Variants in NRXN1 observed in about 807,000 individuals in gnomAD.
NRXN1 encodes neurexin-1.
A neutral mutation model predicts 150.9 loss-of-function variants in NRXN1; 39 were observed. The observed-to-expected ratio is 0.26, with a 90% CI of 0.20 to 0.34. NRXN1 has a LOEUF of 0.34. NRXN1 is among the 10% of genes least tolerant of loss of function. The pLI, the probability that NRXN1 is intolerant of heterozygous loss-of-function variation, is 1.00. For missense variants in NRXN1, 1,815 were observed against 1,949.9 expected (o/e 0.93, Z 1.30); for synonymous variants, 924 against 757.0 (o/e 1.22, Z -3.62).
intron 2 of NRXN1, among the ~76,000 whole-genome samples, chr2:50,980,371 GT>G (rs1044981685): frequency 6.6e-6 from 1 of 151,956 alleles, no homozygotes; most frequent in African/African-American, 2.4e-5. Flanking sequence ...TCATTCAAAA[GT>G]TTTTACCTAA....
At chr2:50,702,077 G>A (rs1245896401) in intron 5 of NRXN1, among the ~76,000 whole-genome samples, 1 of 151,928 alleles carries the variant, frequency 6.6e-6, no homozygotes, top group Non-Finnish European at 1.5e-5. Context: ...TGTTTCATAG[G>A]AAATAAGACC....
In NRXN1 at chr2:50,472,464, T is replaced by A. The variant is rs201163793; in HGVS notation, c.3078A>T (p.Leu1026Phe). The A allele has an allele frequency of 6.2e-7, 1 of 1,610,424 alleles. No homozygotes were observed. Residue 1026 changes from leucine to phenylalanine, a missense_variant, in exon 16 of 23, where the codon TTA becomes TTT. This residue lies in a region of NRXN1 where 339 missense variants were observed against 440.3 expected (regional missense o/e 0.77). Transcript: ENST00000401669. ...TTTCTTTAGCTACTCCTCCTATATA[T>A]AAGTCACCTGCAAGAAGATCAAAGT... ...GARNLDLKSD[L>F]YIGGVAKETY... is the part of the protein sequence containing the mutation.
At chr2:50,608,775 G>A (rs967782095) in intron 8 of NRXN1, among the ~76,000 whole-genome samples, 2 of 151,950 alleles carry the variant, frequency 1.3e-5, no homozygotes, top group Non-Finnish European at 2.9e-5. Context: ...GACTCTGCTT[G>A]GTTTACAGGT....
intron 5 of NRXN1, among the ~76,000 whole-genome samples, chr2:50,722,872 T>G (rs903541657): frequency 6.6e-6 from 1 of 152,136 alleles, no homozygotes; most frequent in Non-Finnish European, 1.5e-5. Context: ...CGTCTTGCCT[T>G]GAATTTCCAC....
intron 17 of NRXN1, among the ~76,000 whole-genome samples, chr2:50,307,888 A>G (rs977107303): frequency 6.6e-6 from 1 of 152,222 alleles, no homozygotes; most frequent in Admixed American, 6.5e-5. Flanking sequence ...TGATAAAACT[A>G]CTTTGAAAAC....
intron 17 of NRXN1, among the ~76,000 whole-genome samples, chr2:50,423,383 C>A (rs1389976946): frequency 6.6e-6 from 1 of 152,012 alleles, no homozygotes; most frequent in Non-Finnish European, 1.5e-5. Context: ...CTTTTCCCAG[C>A]AATAAGTGCT....
chr2:51,006,903 G>A (rs1408156341), intron 2 of NRXN1, among the ~76,000 whole-genome samples: 1 of 151,864 alleles, frequency 6.6e-6, no homozygotes, highest in Admixed American at 6.6e-5. Context: ...AATCTGAGTT[G>A]CTTGTGCCCT....
At chr2:50,840,807 G>C (rs931289099) in intron 5 of NRXN1, among the ~76,000 whole-genome samples, 1 of 152,036 alleles carries the variant, frequency 6.6e-6, no homozygotes, top group Non-Finnish European at 1.5e-5. Flanking sequence ...AGGACTTCAG[G>C]GTTCCTTGTT....
At chr2:50,251,602 G>T (rs2067089879) in intron 17 of NRXN1, among the ~76,000 whole-genome samples, 1 of 152,082 alleles carries the variant, frequency 6.6e-6, no homozygotes, top group Non-Finnish European at 1.5e-5. Context: ...TTGAGGAATT[G>T]GCACACTGTC....
At chr2:50,586,432 G>A (rs991204128) in intron 8 of NRXN1, among the ~76,000 whole-genome samples, 2 of 151,966 alleles carry the variant, frequency 1.3e-5, no homozygotes, top group Non-Finnish European at 2.9e-5. Context: ...TATAGTACAA[G>A]CTCTATAAAG....
chr2:50,522,240 G>T (rs1374178533), intron 12 of NRXN1, among the ~76,000 whole-genome samples: 1 of 152,118 alleles, frequency 6.6e-6, no homozygotes, highest in African/African-American at 2.4e-5. Context: ...CCTTTTCACA[G>T]AAACTAATAA....
chr2:50,361,283 T>C (rs963232351), intron 17 of NRXN1, among the ~76,000 whole-genome samples: 2 of 150,342 alleles, frequency 1.3e-5, no homozygotes, highest in African/African-American at 4.9e-5. Flanking sequence ...CTGAAGGAGA[T>C]AGAGACACAA....
intron 18 of NRXN1, among the ~76,000 whole-genome samples, chr2:50,170,791 G>A (rs1229298535): frequency 2.1e-5 from 3 of 141,022 alleles, no homozygotes; most frequent in Non-Finnish European, 3.1e-5. Context: ...GTGTGTGTGT[G>A]TGTATGCATC....
chr2:50,936,701 T>C lies in NRXN1; in HGVS notation c.773-10746A>G, dbSNP rs146658348. ...TTTCTGAAATACTGAATAGAAAGTG[T>C]CATCGTTTTTTTAATTAATATGGCT... On this transcript the variant is annotated intron_variant, in intron 2 of 22. Transcript: ENST00000401669. Among the ~76,000 whole-genome samples the C allele has an allele frequency of 3.7e-4, 56 of 152,152 alleles. No individual in the cohort carries two copies. The East Asian group carries it at 8.9e-3, about 24-fold the overall frequency.
intron 18 of NRXN1, among the ~76,000 whole-genome samples, chr2:50,137,377 G>C (rs1252305322): frequency 6.6e-6 from 1 of 151,942 alleles, no homozygotes; most frequent in African/African-American, 2.4e-5. Flanking sequence ...TGGAGATCAC[G>C]GTCAGTAATG....
chr2:50,954,904 A>T (rs1044033458), intron 2 of NRXN1, among the ~76,000 whole-genome samples: 9 of 152,170 alleles, frequency 5.9e-5, no homozygotes, highest in African/African-American at 1.7e-4. Context: ...CAGGACCTGG[A>T]GAGATTGGTG....
At chr2:50,750,877 G>C (rs1700520629) in intron 5 of NRXN1, among the ~76,000 whole-genome samples, 1 of 152,030 alleles carries the variant, frequency 6.6e-6, no homozygotes, top group East Asian at 1.9e-4. Context: ...AAAACATAAA[G>C]AATGCATAAT....
intron 5 of NRXN1, among the ~76,000 whole-genome samples, chr2:50,768,119 C>A (rs972722884): frequency 1.3e-5 from 2 of 152,086 alleles, no homozygotes; most frequent in African/African-American, 4.8e-5. Flanking sequence ...GTGCAACCAA[C>A]CCCTTTTCCC....
rs577608569 is a variant in NRXN1, at chr2:50,580,483, T to C, written c.1321-27458A>G. 1.2e-4 allele frequency among the ~76,000 whole-genome samples: 19 copies of C among 152,344 alleles called. No individual in the cohort carries two copies. In the South Asian group the frequency reaches 1.7e-3, roughly 13 times the overall value. ...ATTTTTAGTTGTTACTTGATTAACA[T>C]AGAGAAGTATATCACTATTATTTTC... On this transcript the variant is annotated intron_variant, in intron 8 of 22. Transcript: ENST00000401669.
Sources: gnomAD v4.1 joint callset for allele counts (sites outside exome capture counted in the v4.1 genomes callset) on GRCh38, gnomAD v4.1.1 for gene constraint, gnomAD v4.1.1 regional missense constraint, MANE v1.5 for transcripts, NCBI Gene and HGNC (gene_info 2026-07-23, HGNC 2026-07-21) for gene names.